The following MAGI2 variants were observed in gnomAD, a reference collection of about 807,000 sequenced individuals.
MAGI2 encodes the protein membrane-associated guanylate kinase, WW and PDZ domain-containing protein 2.
Under a neutral mutation model 133.3 loss-of-function variants are expected in MAGI2, and 35 were observed. The ratio of observed to expected loss-of-function variants is 0.26; its 90% CI spans 0.20 to 0.35. The LOEUF (loss-of-function observed/expected upper bound fraction) is 0.35, where lower values mean the gene tolerates loss of function less well. Among genes scored for constraint, MAGI2 ranks in the 10% least tolerant of loss-of-function variants. MAGI2 has a pLI of 1.00. For missense variants in MAGI2, 1,636 were observed against 1,863.4 expected (o/e 0.88, Z 2.25); for synonymous variants, 729 against 710.6 (o/e 1.03, Z -0.41).
chr7:79,441,114 G>T (rs1287492053), intron 1 of MAGI2, among the ~76,000 whole-genome samples: 1 of 152,212 alleles, frequency 6.6e-6, no homozygotes, highest in African/African-American at 2.4e-5. Context: ...TACCTTGCTT[G>T]ATTTAGTCTA....
At chr7:78,257,752 G>A (rs561537725) in intron 9 of MAGI2, among the ~76,000 whole-genome samples, 1 of 152,212 alleles carries the variant, frequency 6.6e-6, no homozygotes, top group South Asian at 2.1e-4. Flanking sequence ...CTTGCAAATT[G>A]AGATTGTGCC....
chr7:79,004,304 A>C (rs767883240), intron 2 of MAGI2, among the ~76,000 whole-genome samples: 1 of 152,220 alleles, frequency 6.6e-6, no homozygotes, highest in Non-Finnish European at 1.5e-5. Flanking sequence ...TGTCATTTGC[A>C]GCAACATGGA....
chr7:78,986,620 C>CA (rs1478983552), intron 2 of MAGI2, among the ~76,000 whole-genome samples: 4 of 151,912 alleles, frequency 2.6e-5, no homozygotes, highest in African/African-American at 9.7e-5. Context: ...CTCCTGGCTT[C>CA]AAGTGATCCT....
chr7:78,383,528 A>C (rs1795113236), intron 6 of MAGI2, among the ~76,000 whole-genome samples: 1 of 152,092 alleles, frequency 6.6e-6, no homozygotes, highest in Non-Finnish European at 1.5e-5. Flanking sequence ...AATGATTTGC[A>C]AATATTTTCT....
intron 2 of MAGI2, among the ~76,000 whole-genome samples, chr7:78,937,009 C>G (rs1800567310): frequency 6.6e-6 from 1 of 151,948 alleles, no homozygotes; most frequent in East Asian, 1.9e-4. Context: ...GTCTTGAATT[C>G]TAAATACCAC....
chr7:78,092,731 T>G (rs1205620349), intron 20 of MAGI2, among the ~76,000 whole-genome samples: 1 of 152,040 alleles, frequency 6.6e-6, no homozygotes, highest in Non-Finnish European at 1.5e-5. Flanking sequence ...CGGTTAATAA[T>G]TGTCTGATTA....
rs566579516 is a variant in MAGI2 at position 79,410,756 on chromosome 7, C to T, written c.301+42264G>A. On this transcript the variant is annotated intron_variant, in intron 1 of 21. Coordinates refer to ENST00000354212, the MANE Select transcript of MAGI2 (RefSeq NM_012301.4). ...ATTCTGTAAAAAAATTACTTTCCAA[C>T]TTAACTACTATAGTGATTGCCAAAA... The T allele has an allele frequency of 2.0e-5, 3 of 152,198 alleles. No individual in the cohort carries two copies. The East Asian group carries it at 5.8e-4, about 29-fold the overall frequency. 9.4% of individuals were successfully genotyped at this position (152,198 alleles called of 1,614,324 possible).
chr7:79,227,657 T>G (rs551100406), intron 1 of MAGI2, among the ~76,000 whole-genome samples: 2 of 152,194 alleles, frequency 1.3e-5, no homozygotes, highest in Non-Finnish European at 2.9e-5. Context: ...TTAGTGAGAG[T>G]AAACATATAG....
chr7:78,038,817 TG>T (rs1341052052), intron 21 of MAGI2, among the ~76,000 whole-genome samples: 1 of 152,256 alleles, frequency 6.6e-6, no homozygotes, highest in African/African-American at 2.4e-5. Flanking sequence ...GGCCAGTTTT[TG>T]TTTTCAAACC....
Position 79,264,185 on chromosome 7 carries a change from T to C in MAGI2, c.301+188835A>G, listed in dbSNP as rs949036156. The stretch of plus-strand genomic sequence containing the variant: ...ACACTACCCACATCTCAAATGCTCA[T>C]TAGCCACATGTGGTTTGTGGCTGCT... On this transcript the variant is annotated intron_variant, in intron 1 of 21. Transcript: ENST00000354212. Among the ~76,000 whole-genome samples the C allele has an allele frequency of 3.9e-5, 6 of 152,194 alleles. No individual in the cohort carries two copies. In the East Asian group the frequency reaches 9.6e-4, roughly 24 times the overall value.
intron 1 of MAGI2, among the ~76,000 whole-genome samples, chr7:79,195,310 C>T (rs1021874320): frequency 2.0e-5 from 3 of 151,986 alleles, no homozygotes; most frequent in Admixed American, 1.3e-4. Flanking sequence ...TGATGTTCAT[C>T]TCATCAACTG....
intron 2 of MAGI2, among the ~76,000 whole-genome samples, chr7:78,695,598 G>A (rs74547339): frequency 6.6e-6 from 1 of 152,172 alleles, no homozygotes; most frequent in Admixed American, 6.5e-5. Flanking sequence ...ATGCAAGAGT[G>A]AGTGACTGAA....
chr7:78,666,222 G>A (rs765245205), intron 2 of MAGI2, among the ~76,000 whole-genome samples: 61 of 152,060 alleles, frequency 4.0e-4, no homozygotes, highest in Non-Finnish European at 7.8e-4. Context: ...TTATAGCCAT[G>A]GACAACCTGT....
intron 9 of MAGI2, among the ~76,000 whole-genome samples, chr7:78,273,055 G>C (rs1794738276): frequency 1.3e-5 from 2 of 152,062 alleles, no homozygotes; most frequent in Admixed American, 6.6e-5. Flanking sequence ...TTACAATTTG[G>C]CATGTTTTTG....
At chr7:78,341,455 C>T (rs557933577) in intron 9 of MAGI2, among the ~76,000 whole-genome samples, 1 of 152,096 alleles carries the variant, frequency 6.6e-6, no homozygotes, top group Admixed American at 6.5e-5. Flanking sequence ...CTGGAAAAAA[C>T]CACCATAAAC....
At chr7:78,552,698 G>A (rs990308828) in intron 3 of MAGI2, among the ~76,000 whole-genome samples, 7 of 152,136 alleles carry the variant, frequency 4.6e-5, no homozygotes, top group Non-Finnish European at 1.0e-4. Flanking sequence ...TACAATGGAC[G>A]GACATAGATT....
At chr7:79,275,940 A>G (rs1835199826) in intron 1 of MAGI2, among the ~76,000 whole-genome samples, 2 of 152,162 alleles carry the variant, frequency 1.3e-5, no homozygotes, top group Non-Finnish European at 2.9e-5. Context: ...TTCCTTTCAA[A>G]ATATTACTGC....
intron 2 of MAGI2, among the ~76,000 whole-genome samples, chr7:78,946,392 G>T (rs1801420372): frequency 6.6e-6 from 1 of 152,148 alleles, no homozygotes; most frequent in African/African-American, 2.4e-5. Flanking sequence ...TATGTAAACA[G>T]TTGATCTCTT....
intron 1 of MAGI2, among the ~76,000 whole-genome samples, chr7:79,308,380 T>TA (rs56038725): frequency 6.6e-6 from 1 of 152,016 alleles, no homozygotes; most frequent in East Asian, 1.9e-4. Context: ...TCTCTTGGAG[T>TA]TTTCCCAGGA....
Sources: allele counts gnomAD v4.1 joint callset (sites outside exome capture counted in the v4.1 genomes callset), GRCh38; gene constraint gnomAD v4.1.1; transcripts MANE v1.5; gene names NCBI Gene and HGNC (gene_info 2026-07-23, HGNC 2026-07-21).